Variants in PLCB4 observed in about 807,000 individuals in gnomAD.
The protein encoded by PLCB4 is phospholipase C beta 4, also known as 1-phosphatidylinositol 4,5-bisphosphate phosphodiesterase beta-4.
Under a neutral mutation model 178.8 loss-of-function variants are expected in PLCB4, and 77 were observed. That is an observed-to-expected ratio of 0.43 (90% CI 0.36 to 0.52). PLCB4 has a LOEUF of 0.52. Ranked by LOEUF, PLCB4 falls within the 20% of genes least tolerant of loss-of-function variation. The probability of loss-of-function intolerance (pLI) is 0.00; values close to 1 mark genes in which losing one functional copy is unlikely to be tolerated. For synonymous variants in PLCB4, 496 were observed against 490.8 expected (o/e 1.01, Z -0.14); for missense variants, 1,024 against 1,453.4 (o/e 0.70, Z 4.80).
At position 9,433,234 on chromosome 20, in the gene PLCB4, C is replaced by G. The variant is rs187781604; in HGVS notation, c.2525-2326C>G. Among the ~76,000 whole-genome samples, 24 of 152,260 alleles carry G rather than the reference C, an allele frequency of 1.6e-4. No individual in the cohort carries two copies. In the East Asian group the frequency reaches 4.4e-3, roughly 28 times the overall value. ...AATGGGACAACCAGCCTTTATGTCC[C>G]TCAATGTGATGCATATAAAGTCACA... On this transcript the variant is annotated intron_variant, in intron 28 of 39. Coordinates refer to ENST00000378473, the MANE Select transcript of PLCB4 (RefSeq NM_001377142.1).
At chr20:9,104,459 G>T (rs2091290042) in intron 2 of PLCB4, among the ~76,000 whole-genome samples, 1 of 152,074 alleles carries the variant, frequency 6.6e-6, no homozygotes, top group African/African-American at 2.4e-5. Flanking sequence ...AGAATTTGGG[G>T]ACCATGTTTT....
intron 2 of PLCB4, among the ~76,000 whole-genome samples, chr20:9,136,122 G>GCACA (rs149724181): frequency 2.0e-5 from 3 of 151,386 alleles, no homozygotes; most frequent in Non-Finnish European, 4.4e-5. Context: ...ACACATAAAT[G>GCACA]CACACACACA....
intron 4 of PLCB4, among the ~76,000 whole-genome samples, chr20:9,323,694 C>T (rs892327548): frequency 1.3e-5 from 2 of 152,148 alleles, no homozygotes; most frequent in Non-Finnish European, 2.9e-5. Context: ...GAGACAGCTG[C>T]CCCAGGAGTC....
intron 1 of PLCB4, among the ~76,000 whole-genome samples, chr20:9,077,548 C>T (rs1168769578): frequency 6.6e-6 from 1 of 152,092 alleles, no homozygotes; most frequent in Non-Finnish European, 1.5e-5. Flanking sequence ...CCTTAAAATC[C>T]CTTGAAAATA....
At chr20:9,424,026 C>A in intron 28 of PLCB4, 74 bp downstream of exon 28, 1 of 1,008,874 alleles carries the variant, frequency 9.9e-7, no homozygotes. Flanking sequence ...ACATCTTGTC[C>A]ATGCTTTAAA....
intron 3 of PLCB4, among the ~76,000 whole-genome samples, chr20:9,261,489 G>T (rs1055611670): frequency 6.6e-6 from 1 of 152,154 alleles, no homozygotes; most frequent in African/African-American, 2.4e-5. Flanking sequence ...AATATTGTGA[G>T]TGCTGTTTCA....
chr20:9,477,472 A>G (rs2044623725), intron 39 of PLCB4, among the ~76,000 whole-genome samples: 1 of 152,208 alleles, frequency 6.6e-6, no homozygotes, highest in East Asian at 1.9e-4. Flanking sequence ...TACTTTCTTC[A>G]GAAGCTAAAG....
At chr20:9,447,305 C>G (rs2042472275) in intron 32 of PLCB4, among the ~76,000 whole-genome samples, 1 of 152,206 alleles carries the variant, frequency 6.6e-6, no homozygotes, top group Admixed American at 6.5e-5. Flanking sequence ...CTTCTGGTCT[C>G]AGCTGTATTC....
chr20:9,460,756 C>A (rs1376617001), intron 35 of PLCB4, among the ~76,000 whole-genome samples: 1 of 152,152 alleles, frequency 6.6e-6, no homozygotes, highest in Non-Finnish European at 1.5e-5. Flanking sequence ...GTGTTTAATG[C>A]CAACTGCATA....
intron 7 of PLCB4, among the ~76,000 whole-genome samples, chr20:9,352,032 T>C (rs774698110): frequency 6.6e-6 from 1 of 152,230 alleles, no homozygotes; most frequent in Non-Finnish European, 1.5e-5. Flanking sequence ...GTCAAAAAAC[T>C]GATGGTTGCT....
chr20:9,472,340 A>G (rs2044248860), intron 36 of PLCB4, among the ~76,000 whole-genome samples: 1 of 152,352 alleles, frequency 6.6e-6, no homozygotes, highest in East Asian at 1.9e-4. Context: ...TCATCTCTCC[A>G]GGTGATTGGT....
chr20:9,228,858 T>C (rs975459619), intron 3 of PLCB4, among the ~76,000 whole-genome samples: 3 of 152,158 alleles, frequency 2.0e-5, no homozygotes, highest in Non-Finnish European at 2.9e-5. Context: ...TCTGGGCCCA[T>C]GCAGAACCTC....
At chr20:9,138,964 G>A (rs2092436300) in intron 2 of PLCB4, among the ~76,000 whole-genome samples, 1 of 152,048 alleles carries the variant, frequency 6.6e-6, no homozygotes, top group Non-Finnish European at 1.5e-5. Flanking sequence ...TATAGTCAAA[G>A]CCTTTGTAAA....
chr20:9,168,078 GA>G (rs1420752879), intron 2 of PLCB4, among the ~76,000 whole-genome samples: 1 of 152,028 alleles, frequency 6.6e-6, no homozygotes, highest in Non-Finnish European at 1.5e-5. Flanking sequence ...TTACCTGTTG[GA>G]AAAAAACCAC....
At chr20:9,478,751 GT>G (rs2044721506) in intron 39 of PLCB4, among the ~76,000 whole-genome samples, 169 bp from the exon 40 acceptor site, 1 of 152,088 alleles carries the variant, frequency 6.6e-6, no homozygotes, top group Admixed American at 6.6e-5. Flanking sequence ...AAGATTCTAC[GT>G]TTCTAAGAAG....
intron 21 of PLCB4, among the ~76,000 whole-genome samples, chr20:9,406,661 A>AT (rs1436192971): frequency 6.6e-6 from 1 of 151,812 alleles, no homozygotes; most frequent in African/African-American, 2.4e-5. Context: ...TGCCCAGTTA[A>AT]TTTTTTTGTA....
intron 35 of PLCB4, among the ~76,000 whole-genome samples, chr20:9,460,288 G>A (rs2043309321): frequency 6.6e-6 from 1 of 152,202 alleles, no homozygotes; most frequent in Non-Finnish European, 1.5e-5. Flanking sequence ...TTTCAAAATG[G>A]TAGGGCTGGA....
intron 8 of PLCB4, 76 bp from the exon 9 acceptor site, chr20:9,365,385 T>G: frequency 1.1e-6 from 1 of 884,210 alleles, no homozygotes; most frequent in South Asian, 1.5e-5. Flanking sequence ...ATGAACTTTC[T>G]TTTAAAGTTC....
intron 4 of PLCB4, among the ~76,000 whole-genome samples, chr20:9,321,126 C>T (rs76077453): frequency 0.029 from 4,357 of 152,084 alleles, 259 homozygotes; most frequent in East Asian, 0.26. Context: ...TTTATTGAAC[C>T]CTTGACACAG....
Sources: allele counts gnomAD v4.1 joint callset (sites outside exome capture counted in the v4.1 genomes callset), GRCh38; gene constraint gnomAD v4.1.1; transcripts MANE v1.5; gene names NCBI Gene and HGNC (gene_info 2026-07-23, HGNC 2026-07-21).